The following CTNNA2 variants were observed in gnomAD, a reference collection of about 807,000 sequenced individuals.
CTNNA2 encodes catenin alpha-2.
Under a neutral mutation model 101.0 loss-of-function variants are expected in CTNNA2, and 42 were observed. That is an observed-to-expected ratio of 0.42 (90% CI 0.32 to 0.54). CTNNA2 has a LOEUF of 0.54. Ranked by LOEUF, CTNNA2 falls within the 20% of genes least tolerant of loss-of-function variation. The pLI is 0.14. For missense variants in CTNNA2, 871 were observed against 1,223.1 expected (o/e 0.71, Z 4.29); for synonymous variants, 450 against 456.4 (o/e 0.99, Z 0.18).
intron 4 of CTNNA2, among the ~76,000 whole-genome samples, chr2:79,477,146 A>C (rs1477217217): frequency 6.9e-6 from 1 of 144,082 alleles, no homozygotes; most frequent in East Asian, 2.0e-4. Flanking sequence ...TTTTCTTTTT[A>C]TTTCTTTTTT....
At chr2:80,036,928 G>T (rs1191510697) in intron 7 of CTNNA2, among the ~76,000 whole-genome samples, 2 of 152,048 alleles carry the variant, frequency 1.3e-5, no homozygotes, top group African/African-American at 4.8e-5. Context: ...AAACTATTGG[G>T]TTATGAAGGT....
intron 17 of CTNNA2, among the ~76,000 whole-genome samples, chr2:80,615,396 G>T (rs1698770455): frequency 6.6e-6 from 1 of 151,430 alleles, no homozygotes; most frequent in African/African-American, 2.4e-5. Context: ...CATTTCCATT[G>T]CATCCCTACT....
intron 2 of CTNNA2, among the ~76,000 whole-genome samples, chr2:79,673,836 C>T (rs1356324366): frequency 4.6e-5 from 7 of 152,024 alleles, no homozygotes; most frequent in Admixed American, 1.3e-4. Flanking sequence ...GTCTCTGCTC[C>T]GTGTTTTATT....
chr2:79,721,918 TAATAG>T (rs1434806948), intron 2 of CTNNA2, among the ~76,000 whole-genome samples: 4 of 152,154 alleles, frequency 2.6e-5, no homozygotes, highest in Non-Finnish European at 5.9e-5. Context: ...GTTTTTACAA[TAATAG>T]AATAAATACC....
chr2:79,640,139 A>G (rs1680354112), intron 1 of CTNNA2, among the ~76,000 whole-genome samples: 2 of 152,314 alleles, frequency 1.3e-5, no homozygotes, highest in South Asian at 4.1e-4. Context: ...GGCAACTTGT[A>G]TTCAAATCAT....
At chr2:80,110,467 C>G (rs1415608888) in intron 7 of CTNNA2, among the ~76,000 whole-genome samples, 2 of 152,106 alleles carry the variant, frequency 1.3e-5, no homozygotes, top group Non-Finnish European at 2.9e-5. Context: ...CCATTAGTCC[C>G]CAGTATATAT....
chr2:80,245,955 C>G lies in CTNNA2; in HGVS notation c.1057-147256C>G, dbSNP rs370894631. On this transcript the variant is annotated intron_variant, in intron 7 of 18. Transcript: ENST00000402739. ...GACTACAGGTGCCCACCACCACACC[C>G]GGCTAATTTTTTGTATTTTTAGTAG... is the stretch of plus-strand genomic sequence containing the variant. 4.3e-3 allele frequency among the ~76,000 whole-genome samples: 656 copies of G among 151,780 alleles called. 1 individual carries two copies. Among genetic ancestry groups the G allele is most frequent in the African/African-American group, 0.015 (612 of 41,374 alleles).
chr2:79,288,221 G>T (rs1008113463), intron 2 of CTNNA2, among the ~76,000 whole-genome samples: 1 of 152,240 alleles, frequency 6.6e-6, no homozygotes, highest in Admixed American at 6.5e-5. Flanking sequence ...CGTCACTCAC[G>T]CTGGGAGCTA....
At chr2:79,593,055 T>C (rs1360048922) in intron 1 of CTNNA2, among the ~76,000 whole-genome samples, 1 of 152,244 alleles carries the variant, frequency 6.6e-6, no homozygotes, top group Admixed American at 6.5e-5. Flanking sequence ...AGGAAGTAAA[T>C]GCAGGAATAG....
At chr2:80,281,443 C>T (rs984032859) in intron 7 of CTNNA2, among the ~76,000 whole-genome samples, 12 of 152,064 alleles carry the variant, frequency 7.9e-5, no homozygotes, top group South Asian at 2.1e-4. Flanking sequence ...CCATTAAATG[C>T]TTTTAAGAAG....
chr2:80,010,463 G>A (rs979016369), intron 7 of CTNNA2, among the ~76,000 whole-genome samples: 3 of 151,954 alleles, frequency 2.0e-5, no homozygotes, highest in African/African-American at 4.8e-5. Context: ...GTGCCACCAT[G>A]CCTGGATTTT....
At chr2:80,189,135 G>C (rs1298618424) in intron 7 of CTNNA2, among the ~76,000 whole-genome samples, 1 of 151,730 alleles carries the variant, frequency 6.6e-6, no homozygotes, top group African/African-American at 2.4e-5. Flanking sequence ...TGTATTTTTA[G>C]TAGAGACGAG....
chr2:80,250,827 CT>C (rs1671710228), intron 7 of CTNNA2, among the ~76,000 whole-genome samples: 2 of 152,108 alleles, frequency 1.3e-5, no homozygotes, highest in South Asian at 4.1e-4. Context: ...GTTTCCTAAG[CT>C]ATACAATTTA....
At chr2:79,890,489 C>T (rs987931492) in intron 6 of CTNNA2, among the ~76,000 whole-genome samples, 4 of 152,184 alleles carry the variant, frequency 2.6e-5, no homozygotes, top group East Asian at 3.9e-4. Context: ...TTTAGCAGAT[C>T]CTATGAAAGG....
intron 7 of CTNNA2, among the ~76,000 whole-genome samples, chr2:80,132,817 GA>G (rs1702486515): frequency 1.3e-5 from 2 of 151,958 alleles, no homozygotes; most frequent in East Asian, 3.9e-4. Flanking sequence ...AATTTAAAAA[GA>G]AAAAATAAGT....
intron 7 of CTNNA2, among the ~76,000 whole-genome samples, chr2:80,318,737 A>G (rs1678381353): frequency 6.6e-6 from 1 of 152,206 alleles, no homozygotes; most frequent in Non-Finnish European, 1.5e-5. Context: ...TTAAAAACAA[A>G]CTATTGAAAA....
chr2:79,915,447 C>T (rs1686134427), intron 7 of CTNNA2, among the ~76,000 whole-genome samples: 1 of 152,068 alleles, frequency 6.6e-6, no homozygotes, highest in South Asian at 2.1e-4. Context: ...CATTCTCTAA[C>T]CTTATGTTTA....
chr2:79,836,079 C>T (rs915594771), intron 3 of CTNNA2, among the ~76,000 whole-genome samples: 2 of 152,252 alleles, frequency 1.3e-5, no homozygotes, highest in Admixed American at 1.3e-4. Context: ...TGTCTCACTT[C>T]TCAGCCTTGT....
chr2:80,643,708 G>A (rs370594878), intron 18 of CTNNA2, among the ~76,000 whole-genome samples: 14 of 152,152 alleles, frequency 9.2e-5, no homozygotes, highest in African/African-American at 3.1e-4. Flanking sequence ...ACTAATAAGA[G>A]TAGCTGAGCC....
Sources: gnomAD v4.1 joint callset for allele counts (sites outside exome capture counted in the v4.1 genomes callset) on GRCh38, gnomAD v4.1.1 for gene constraint, MANE v1.5 for transcripts, NCBI Gene and HGNC (gene_info 2026-07-23, HGNC 2026-07-21) for gene names.